Variants in TEAD4 observed in about 807,000 individuals in gnomAD.
The protein encoded by TEAD4 is transcriptional enhancer factor TEF-3.
TEAD4 carries 36 observed loss-of-function variants against 52.4 expected under a neutral mutation model. The observed-to-expected ratio is 0.69, with a 90% CI of 0.53 to 0.91. TEAD4 has a LOEUF of 0.91. Among genes scored for constraint, TEAD4 ranks in the 40% least tolerant of loss-of-function variants. The pLI, the probability that TEAD4 is intolerant of heterozygous loss-of-function variation, is 0.00. For missense variants in TEAD4, 508 were observed against 583.9 expected (o/e 0.87, Z 1.34); for synonymous variants, 220 against 231.0 (o/e 0.95, Z 0.43).
chr12:3,014,697 C>A (rs533871629), intron 5 of TEAD4, among the ~76,000 whole-genome samples: 102 of 152,320 alleles, frequency 6.7e-4, no homozygotes, highest in Admixed American at 1.1e-3. Context: ...AGTTCCCCTC[C>A]CGGCCCCGGT....
intron 3 of TEAD4, among the ~76,000 whole-genome samples, chr12:3,003,263 A>G (rs2098253120): frequency 6.6e-6 from 1 of 152,200 alleles, no homozygotes; most frequent in African/African-American, 2.4e-5. Context: ...TTTGAAAGCT[A>G]ATAGCATTCG....
chr12:2,964,091 G>A (rs2098218141), intron 2 of TEAD4, among the ~76,000 whole-genome samples: 1 of 152,126 alleles, frequency 6.6e-6, no homozygotes, highest in Non-Finnish European at 1.5e-5. Context: ...ACATAGGGTG[G>A]GCCTCTGGGG....
intron 3 of TEAD4, among the ~76,000 whole-genome samples, chr12:3,004,343 G>T (rs112336823): frequency 0.012 from 1,781 of 152,332 alleles, 13 homozygotes; most frequent in Non-Finnish European, 0.02. Context: ...TTCTCGTGGT[G>T]CCTGGGACAC....
At chr12:2,980,234 C>T (rs528725678) in intron 2 of TEAD4, among the ~76,000 whole-genome samples, 37 of 152,232 alleles carry the variant, frequency 2.4e-4, no homozygotes, top group African/African-American at 8.2e-4. Flanking sequence ...TGCCTCTCTC[C>T]GCTGGGACCT....
chr12:3,025,381 C>T (rs1565549374), intron 10 of TEAD4, among the ~76,000 whole-genome samples: 1 of 152,184 alleles, frequency 6.6e-6, no homozygotes, highest in African/African-American at 2.4e-5. Flanking sequence ...CTAGTACCTT[C>T]TAAGAAAAGA....
At chr12:2,978,884 A>G (rs1207985828) in intron 2 of TEAD4, among the ~76,000 whole-genome samples, 1 of 151,862 alleles carries the variant, frequency 6.6e-6, no homozygotes, top group Non-Finnish European at 1.5e-5. Flanking sequence ...AGGTTCATCC[A>G]TGTTGTAGCC....
At chr12:2,974,701 GCTC>G (rs2098228049) in intron 2 of TEAD4, among the ~76,000 whole-genome samples, 1 of 152,120 alleles carries the variant, frequency 6.6e-6, no homozygotes, top group South Asian at 2.1e-4. Context: ...CTTCTGCCTG[GCTC>G]CTCCTTCTCC....
At chr12:2,960,968 T>G (rs148483055) in intron 2 of TEAD4, among the ~76,000 whole-genome samples, 2 of 152,196 alleles carry the variant, frequency 1.3e-5, no homozygotes, top group Non-Finnish European at 2.9e-5. Context: ...ACCTGCCTCT[T>G]GGAGCCAGGA....
rs570346594 is a variant in TEAD4, at chr12:3,009,033, C to G, written c.227-1971C>G. 5.3e-5 allele frequency among the ~76,000 whole-genome samples: 8 copies of G among 152,326 alleles called. No homozygotes were observed. The East Asian group carries it at 1.3e-3, about 26-fold the overall frequency. On this transcript the variant is annotated intron_variant, in intron 3 of 12. Coordinates refer to ENST00000359864, the MANE Select transcript of TEAD4 (RefSeq NM_003213.4). ...TCATTTTACCGAAAAGGATACTGAG[C>G]CACAGAGTGTTCTCACTGAGCCAGC...
intron 3 of TEAD4, among the ~76,000 whole-genome samples, chr12:2,996,640 C>T (rs2098247435): frequency 6.6e-6 from 1 of 152,198 alleles, no homozygotes; most frequent in East Asian, 1.9e-4. Context: ...GAACTCCAGA[C>T]CTCAGGTGAT....
At chr12:3,021,128 C>T (rs900971191) in intron 9 of TEAD4, among the ~76,000 whole-genome samples, 12 of 152,142 alleles carry the variant, frequency 7.9e-5, no homozygotes, top group South Asian at 2.1e-4. Flanking sequence ...TTCTGAGAAG[C>T]GGGCAGGAAG....
intron 10 of TEAD4, among the ~76,000 whole-genome samples, chr12:3,026,832 CCTT>C (rs780078481): frequency 4.6e-5 from 7 of 152,134 alleles, no homozygotes; most frequent in Non-Finnish European, 1.0e-4. Context: ...CTCTGCCACA[CCTT>C]CTGTTGAATA....
chr12:2,985,393 CAAAA>C (rs1296073773), intron 2 of TEAD4, among the ~76,000 whole-genome samples: 1 of 146,554 alleles, frequency 6.8e-6, no homozygotes, highest in Middle Eastern at 3.4e-3. Flanking sequence ...TCAAAAAAAA[CAAAA>C]AACAAAAAAC....
chr12:3,038,166 T>C, intron 11 of TEAD4, 58 bp downstream of exon 11: 1 of 1,566,240 alleles, frequency 6.4e-7, no homozygotes, highest in Non-Finnish European at 8.7e-7. Context: ...TTGCTGGGCA[T>C]GGCTTCCATT....
chr12:3,014,944 T>C (rs1177849934), intron 5 of TEAD4, among the ~76,000 whole-genome samples: 1 of 152,216 alleles, frequency 6.6e-6, no homozygotes, highest in African/African-American at 2.4e-5. Context: ...AAGTCCCTCA[T>C]GCCCTCCTGC....
chr12:3,001,748 G>C (rs901790097), intron 3 of TEAD4, among the ~76,000 whole-genome samples: 1 of 146,428 alleles, frequency 6.8e-6, no homozygotes, highest in African/African-American at 2.5e-5. Context: ...CTGCACTCCA[G>C]CCTGGGCAAC....
intron 2 of TEAD4, among the ~76,000 whole-genome samples, chr12:2,978,893 C>A (rs925212934): frequency 6.6e-6 from 1 of 151,784 alleles, no homozygotes; most frequent in African/African-American, 2.4e-5. Flanking sequence ...CATGTTGTAG[C>A]CTATGTCAGA....
chr12:3,034,266 G>A (rs1425824240), intron 10 of TEAD4, among the ~76,000 whole-genome samples: 1 of 152,140 alleles, frequency 6.6e-6, no homozygotes, highest in East Asian at 1.9e-4. Flanking sequence ...CTGGGGCGCA[G>A]AACTCTCAGG....
chr12:2,960,340 G>A (rs552580312), intron 2 of TEAD4: 1 of 985,640 alleles, frequency 1.0e-6, no homozygotes. Context: ...AGCCTGGAAG[G>A]GAGAGACCTG....
Sources: allele counts gnomAD v4.1 joint callset (sites outside exome capture counted in the v4.1 genomes callset), GRCh38; gene constraint gnomAD v4.1.1; transcripts MANE v1.5; gene names NCBI Gene and HGNC (gene_info 2026-07-23, HGNC 2026-07-21).